The following SEPTIN6 variants were observed in gnomAD, a reference collection of about 807,000 sequenced individuals.
The protein encoded by SEPTIN6 is septin-6.
Under a neutral mutation model 33.6 loss-of-function variants are expected in SEPTIN6, and 8 were observed. That is an observed-to-expected ratio of 0.24 (90% CI 0.14 to 0.43). The LOEUF is 0.43. Among genes scored for constraint, SEPTIN6 ranks in the 20% least tolerant of loss-of-function variants. SEPTIN6 has a pLI of 1.00. For synonymous variants in SEPTIN6, 131 were observed against 140.0 expected, an observed-to-expected ratio of 0.94 and a Z score of 0.45; for missense variants, 250 against 340.8, an observed-to-expected ratio of 0.73 and a Z score of 2.10.
chrX:119,667,653 GC>G (rs2054667020), intron 2 of SEPTIN6, among the ~76,000 whole-genome samples: 1 of 110,447 alleles, frequency 9.1e-6, no homozygotes, highest in East Asian at 2.8e-4. Context: ...CTAGGATGCT[GC>G]CCCTCCCACG....
chrX:119,683,505 A>G (rs2055000572), intron 1 of SEPTIN6, among the ~76,000 whole-genome samples: 2 of 112,578 alleles, frequency 1.8e-5, no homozygotes, highest in African/African-American at 6.5e-5. Context: ...TTAATGACAA[A>G]AGGAAATGCT....
At chrX:119,623,746 T>A (rs2053807343) in intron 10 of SEPTIN6, among the ~76,000 whole-genome samples, 1 of 111,487 alleles carries the variant, frequency 9.0e-6, no homozygotes, top group African/African-American at 3.3e-5. Flanking sequence ...GGCTGAGGCA[T>A]GAGAATTGCT....
chrX:119,633,376 T>C lies in SEPTIN6; in HGVS notation c.1073A>G (p.Lys358Arg). Reference sequence around the variant, plus strand: ...CACATTTACCTCTTTCTCTGCCTCTTTGAGCTCCGCTTCTTTCTCTTTGAC... The same window carrying C: ...CACATTTACCTCTTTCTCTGCCTCTCTGAGCTCCGCTTCTTTCTCTTTGAC... ...QRVKEKEAEL[K>R]EAEKELHEKF... Residue 358 changes from lysine (K) to arginine (R), a missense_variant, in exon 8 of 11, where the codon AAA becomes AGA. Lys to Arg is a conservative substitution (Grantham distance 26, BLOSUM62 2). This residue lies in a region of SEPTIN6 where 139 missense variants were observed against 227.0 expected (regional missense o/e 0.61). Transcript: ENST00000394610. 8.3e-7 allele frequency: 1 copy of C among 1,209,417 alleles called. No homozygotes were observed. Among genetic ancestry groups the C allele is most frequent in the Non-Finnish European group, 1.1e-6 (1 of 894,553 alleles).
At chrX:119,647,483 C>CTTTTTTTTTTTTTTTTTTTTTT in intron 5 of SEPTIN6, among the ~76,000 whole-genome samples, 2 of 74,409 alleles carry the variant, frequency 2.7e-5, no homozygotes, top group Non-Finnish European at 4.7e-5. Flanking sequence ...TTCTCTCTCT[C>CTTTTTTTTTTTTTTTTTTTTTT]TTTTTTTTTT....
chrX:119,619,768 A>G lies in SEPTIN6; in HGVS notation c.*325T>C, dbSNP rs1388729984. 2 of 1,005,472 alleles carry G rather than the reference A, an allele frequency of 2.0e-6. No homozygotes were observed. The highest frequency in any genetic ancestry group is 1.3e-6 in the Non-Finnish European group (1 of 793,463). The allele number at this position is 1,005,472 out of a possible 1,213,427, so 82.9% of individuals were successfully genotyped here. A position where few individuals can be genotyped will look rare whatever the true frequency, so the allele number is the denominator to read the frequency against. On this transcript the variant is annotated 3_prime_UTR_variant, in exon 11 of 11. Coordinates refer to ENST00000394610, the MANE Select transcript of SEPTIN6 (RefSeq NM_145799.4). ...AGAGTAGCAGATGGGCCCCCTGACC[A>G]TGTCACACCTCTGGCAAAGATGTGG... is the stretch of plus-strand genomic sequence containing the variant.
chrX:119,677,188 A>T (rs1023293837), intron 1 of SEPTIN6, among the ~76,000 whole-genome samples: 1 of 111,672 alleles, frequency 9.0e-6, no homozygotes, highest in African/African-American at 3.2e-5. Context: ...TTGACTCCCT[A>T]AGGGTCAGCC....
intron 8 of SEPTIN6, among the ~76,000 whole-genome samples, chrX:119,631,042 A>G (rs2053949735): frequency 9.0e-6 from 1 of 111,490 alleles, no homozygotes; most frequent in African/African-American, 3.3e-5. Context: ...TGGATTCAGG[A>G]GAGAGTTTAG....
At chrX:119,691,136 C>T (rs1003300354) in intron 1 of SEPTIN6, among the ~76,000 whole-genome samples, 2 of 111,424 alleles carry the variant, frequency 1.8e-5, no homozygotes, top group Non-Finnish European at 3.8e-5. Flanking sequence ...AACCAAGTGG[C>T]CCTAAAGCAC....
At chrX:119,622,407 G>A (rs1485366940) in intron 10 of SEPTIN6, among the ~76,000 whole-genome samples, 1 of 111,749 alleles carries the variant, frequency 8.9e-6, no homozygotes, top group African/African-American at 3.3e-5. Flanking sequence ...TCCACCCCTT[G>A]AATGAGGGCT....
chrX:119,665,071 A>AGC lies in SEPTIN6; in HGVS notation c.146-1396_146-1395dup, dbSNP rs1375902274. Among the ~76,000 whole-genome samples the AGC allele has an allele frequency of 5.7e-5, 6 of 106,077 alleles. No homozygotes were observed. In the East Asian group the frequency reaches 1.5e-3, roughly 26 times the overall value. The allele number at this position is 106,077 out of a possible 115,157, so 92.1% of individuals were successfully genotyped here. A position where few individuals can be genotyped will look rare whatever the true frequency, so the allele number is the denominator to read the frequency against. ...TAAGAGGGGCGGGGTGGGGAGACCC[A>AGC]GCAGGCCACAAAAATTCTTCTTCTT... On this transcript the variant is annotated intron_variant, in intron 2 of 10. Coordinates refer to ENST00000394610, the MANE Select transcript of SEPTIN6 (RefSeq NM_145799.4).
Position 119,675,604 on chromosome X carries a change from A to G in SEPTIN6, c.95T>C (p.Leu32Pro). The change falls in exon 2 of 11, where the codon CTG becomes CCG. Residue 32 changes from leucine to proline, a missense_variant. Physicochemically the swap from Leu to Pro is moderately conservative, Grantham distance 98. Around this residue, in one of 2 missense-constraint regions of SEPTIN6, gnomAD observed 111 missense variants for 113.8 expected, o/e 0.98. Coordinates refer to ENST00000394610, the MANE Select transcript of SEPTIN6 (RefSeq NM_145799.4). Reference sequence around the variant, plus strand: ...GCCCTGGCTGACGGACTTATTCACCAGCTGGTCAGGCAAGCTGTCAAACCC... The same window carrying G: ...GCCCTGGCTGACGGACTTATTCACCGGCTGGTCAGGCAAGCTGTCAAACCC... ...HVGFDSLPDQ[L>P]VNKSVSQGFC... The G allele has an allele frequency of 8.5e-7, 1 of 1,172,729 alleles. No individual in the cohort carries two copies. Among genetic ancestry groups the G allele is most frequent in the Non-Finnish European group, 1.1e-6 (1 of 872,561 alleles).
At chrX:119,646,775 G>A (rs770395950) in intron 5 of SEPTIN6, 49 of 307,796 alleles carry the variant, frequency 1.6e-4, no homozygotes, top group Admixed American at 1.4e-3. Flanking sequence ...TGAGGCTGTG[G>A]GGCTGGAGTC....
At position 119,618,675 on chromosome X, in the gene SEPTIN6, T is replaced by C; in HGVS notation, c.*1418A>G. 1 of 1,187,343 alleles carries C rather than the reference T, an allele frequency of 8.4e-7. No individual in the cohort carries two copies. The highest frequency in any genetic ancestry group is 2.3e-5 in the Admixed American group (1 of 43,687). On this transcript the variant is annotated 3_prime_UTR_variant, in exon 11 of 11. Coordinates refer to ENST00000394610, the MANE Select transcript of SEPTIN6 (RefSeq NM_145799.4). ...GATAGGGGTGGGGGGCCTCGCTGCC[T>C]GGCACCCCAAAGGAAAGCTGTCAGT...
rs2054002803 is a variant in SEPTIN6, at chrX:119,633,461, C to T, written c.988G>A (p.Glu330Lys). The change falls in exon 8 of 11, where the codon GAG (glutamate) becomes AAG (lysine). Residue 330 changes from glutamate (E) to lysine (K), a missense_variant. Physicochemically the swap from Glu to Lys is moderately conservative, Grantham distance 56. Around this residue, in one of 2 missense-constraint regions of SEPTIN6, gnomAD observed 139 missense variants for 227.0 expected, o/e 0.61. Transcript: ENST00000394610. ...TTTTTCTGGAGTTCCCCTAGGAACTCGTTCCTTTTGGCCTCATATGTCTCC... is the reference window on the plus strand; with the variant it reads ...TTTTTCTGGAGTTCCCCTAGGAACTTGTTCCTTTTGGCCTCATATGTCTCC... ...LQETYEAKRNEFLGELQKKEE... is the reference protein window; with the variant it reads ...LQETYEAKRNKFLGELQKKEE... 1 of 1,205,802 alleles carries T rather than the reference C, an allele frequency of 8.3e-7. No individual in the cohort carries two copies. Among genetic ancestry groups the T allele is most frequent in the African/African-American group, 1.8e-5 (1 of 57,061 alleles).
chrX:119,679,264 C>G (rs746061377), intron 1 of SEPTIN6, among the ~76,000 whole-genome samples: 9 of 111,374 alleles, frequency 8.1e-5, no homozygotes, highest in African/African-American at 2.9e-4. Flanking sequence ...TTTTTTAAGC[C>G]CTAAGAAGCA....
intron 6 of SEPTIN6, 110 bp downstream of exon 6, chrX:119,640,582 G>A (rs960226915): frequency 1.6e-6 from 1 of 609,638 alleles, no homozygotes; most frequent in African/African-American, 2.3e-5. Flanking sequence ...CATGCCGAAT[G>A]AGCAGAGACT....
chrX:119,672,975 T>G lies in SEPTIN6; in HGVS notation c.145+2579A>C, dbSNP rs778849705. On this transcript the variant is annotated intron_variant, in intron 2 of 10. Coordinates refer to ENST00000394610, the MANE Select transcript of SEPTIN6 (RefSeq NM_145799.4). ...ATGCCTCCAGGTATATTTCTCTCCC[T>G]ATGAACAAGGACATGCATAGTAGAA... 7.1e-5 allele frequency among the ~76,000 whole-genome samples: 8 copies of G among 111,950 alleles called. No homozygotes were observed. In the South Asian group the frequency reaches 3.0e-3, roughly 42 times the overall value.
intron 1 of SEPTIN6, among the ~76,000 whole-genome samples, chrX:119,687,078 C>T (rs2055068196): frequency 9.0e-6 from 1 of 111,578 alleles, no homozygotes; most frequent in African/African-American, 3.3e-5. Flanking sequence ...GGTCTCCCTA[C>T]ACCCATTAAA....
chrX:119,687,282 A>G (rs1245487729), intron 1 of SEPTIN6, among the ~76,000 whole-genome samples: 2 of 91,415 alleles, frequency 2.2e-5, no homozygotes, highest in Non-Finnish European at 4.1e-5. Context: ...ACGGAGTCTC[A>G]CTCTGTCGCC....
Sources: gnomAD v4.1 joint callset for allele counts (sites outside exome capture counted in the v4.1 genomes callset) on GRCh38, gnomAD v4.1.1 for gene constraint, gnomAD v4.1.1 regional missense constraint, MANE v1.5 for transcripts, NCBI Gene and HGNC (gene_info 2026-07-23, HGNC 2026-07-21) for gene names.